The following TNR variants were observed in gnomAD, a reference collection of about 807,000 sequenced individuals.
TNR encodes tenascin R, also known as tenascin-R.
In TNR, 45 loss-of-function variants were observed where a neutral mutation model predicts 150.4. The observed-to-expected ratio is 0.30, with a 90% CI of 0.24 to 0.38. TNR has a LOEUF of 0.38. Among genes scored for constraint, TNR ranks in the 10% least tolerant of loss-of-function variants. The pLI is 1.00. For missense variants in TNR, 1,544 were observed against 1,759.1 expected, an observed-to-expected ratio of 0.88 and a Z score of 2.19; for synonymous variants, 687 against 678.4, an observed-to-expected ratio of 1.01 and a Z score of -0.20.
chr1:175,597,069 A>C (rs80021142), intron 1 of TNR, among the ~76,000 whole-genome samples: 1 of 152,236 alleles, frequency 6.6e-6, no homozygotes, highest in Admixed American at 6.5e-5. Flanking sequence ...TGTAATCATT[A>C]TAATAATGAT....
At chr1:175,622,339 A>T (rs1292092269) in intron 1 of TNR, among the ~76,000 whole-genome samples, 1 of 152,216 alleles carries the variant, frequency 6.6e-6, no homozygotes, top group Admixed American at 6.5e-5. Context: ...AGGCACCCAT[A>T]GCACTCATGC....
At position 175,685,082 on chromosome 1, in the gene TNR, A is replaced by C. The variant is rs149532322; in HGVS notation, c.-165+58144T>G. ...GACTCTTCATTCTCCTCCACTCTTC[A>C]ATACTTTCCACATTCTGGATAGCCC... On this transcript the variant is annotated intron_variant, in intron 1 of 22. Coordinates refer to ENST00000367674, the MANE Select transcript of TNR (RefSeq NM_003285.3). 1.8e-3 allele frequency among the ~76,000 whole-genome samples: 277 copies of C among 152,152 alleles called. 1 individual carries two copies. The highest frequency in any genetic ancestry group is 3.1e-3 in the Non-Finnish European group (214 of 68,000).
At chr1:175,362,370 T>C (rs1317441158) in intron 14 of TNR, among the ~76,000 whole-genome samples, 1 of 152,238 alleles carries the variant, frequency 6.6e-6, no homozygotes, top group Non-Finnish European at 1.5e-5. Context: ...TTCAGATATC[T>C]GTTTTAGAAT....
chr1:175,454,921 A>AT (rs1307338889), intron 2 of TNR, among the ~76,000 whole-genome samples: 1 of 152,162 alleles, frequency 6.6e-6, no homozygotes, highest in African/African-American at 2.4e-5. Flanking sequence ...TGGGGTCTAT[A>AT]TCCCTTCCTC....
intron 1 of TNR, among the ~76,000 whole-genome samples, chr1:175,569,320 A>T (rs988600146): frequency 1.1e-4 from 17 of 152,166 alleles, no homozygotes; most frequent in Admixed American, 9.2e-4. Context: ...CTTCAGTCTG[A>T]CCAGCAGAGG....
chr1:175,520,612 G>A (rs1441653811), intron 2 of TNR, among the ~76,000 whole-genome samples: 1 of 152,060 alleles, frequency 6.6e-6, no homozygotes, highest in African/African-American at 2.4e-5. Context: ...GGCTGCTCCA[G>A]GCCACATAGC....
At chr1:175,703,643 C>G (rs1183544366) in intron 1 of TNR, among the ~76,000 whole-genome samples, 2 of 152,042 alleles carry the variant, frequency 1.3e-5, no homozygotes, top group African/African-American at 2.4e-5. Flanking sequence ...CAATAAACCA[C>G]CCAATAGACA....
chr1:175,561,706 A>G (rs1033357350), intron 1 of TNR, among the ~76,000 whole-genome samples: 2 of 152,232 alleles, frequency 1.3e-5, no homozygotes, highest in African/African-American at 4.8e-5. Context: ...TCAAATCTAG[A>G]TTGCAAAATG....
At position 175,538,979 on chromosome 1, in the gene TNR, C is replaced by A. The variant is rs185463343; in HGVS notation, c.-164-10610G>T. The A allele has an allele frequency of 2.0e-5, 3 of 152,324 alleles. No homozygotes were observed. The East Asian group carries it at 5.8e-4, about 29-fold the overall frequency. 9.4% of individuals were successfully genotyped at this position (152,324 alleles called of 1,614,324 possible). On this transcript the variant is annotated intron_variant, in intron 1 of 22. Transcript: ENST00000367674. ...GCCATCCTCATGGGGGAAGAGAAAA[C>A]CATGCTTTCAACACTTTCACCCTCT...
chr1:175,426,931 A>G (rs1195394058), intron 2 of TNR, among the ~76,000 whole-genome samples: 1 of 88,766 alleles, frequency 1.1e-5, no homozygotes, highest in Admixed American at 1.2e-4. Context: ...ATAAATATAT[A>G]TAAAATATAT....
rs74811026 is a variant in TNR, at chr1:175,513,481, C to T, written c.-64+14788G>A. Among the ~76,000 whole-genome samples the T allele has an allele frequency of 4.2e-4, 64 of 152,344 alleles. No individual in the cohort carries two copies. The East Asian group carries it at 0.012, about 28-fold the overall frequency. On this transcript the variant is annotated intron_variant, in intron 2 of 22. Coordinates refer to ENST00000367674, the MANE Select transcript of TNR (RefSeq NM_003285.3). ...CTTCCTAGAAATCCCTCTCCACATG[C>T]TCTGTCCCTGCCTGCAGGGGGCTGC...
chr1:175,528,866 C>A (rs898444454), intron 1 of TNR, among the ~76,000 whole-genome samples: 1 of 152,184 alleles, frequency 6.6e-6, no homozygotes, highest in East Asian at 1.9e-4. Context: ...ACTCTGGACT[C>A]CCAACTCTTC....
At chr1:175,659,597 C>G (rs1218244365) in intron 1 of TNR, among the ~76,000 whole-genome samples, 1 of 152,174 alleles carries the variant, frequency 6.6e-6, no homozygotes, top group East Asian at 1.9e-4. Context: ...CAGCAAGACC[C>G]CAGGAGCCCA....
chr1:175,443,432 C>A (rs1260448553), intron 2 of TNR, among the ~76,000 whole-genome samples: 1 of 152,178 alleles, frequency 6.6e-6, no homozygotes, highest in Non-Finnish European at 1.5e-5. Context: ...GGTTATACCC[C>A]AGGCTCCCAG....
At chr1:175,436,943 C>A (rs867728104) in intron 2 of TNR, among the ~76,000 whole-genome samples, 8 of 152,176 alleles carry the variant, frequency 5.3e-5, no homozygotes, top group Non-Finnish European at 1.0e-4. Flanking sequence ...GAGACTTTAA[C>A]ACCCCATTGT....
chr1:175,724,641 G>A (rs1667429122), intron 1 of TNR, among the ~76,000 whole-genome samples: 1 of 152,074 alleles, frequency 6.6e-6, no homozygotes, highest in Non-Finnish European at 1.5e-5. Flanking sequence ...TATTGTTATT[G>A]ATTAAATTTA....
At position 175,391,392 on chromosome 1, in the gene TNR, G is replaced by A. The variant is rs755887897; in HGVS notation, c.1403C>T (p.Ser468Phe). The change falls in exon 7 of 23, where the codon TCC (serine) becomes TTC (phenylalanine). Residue 468 changes from serine (S) to phenylalanine (F), a missense_variant. Ser to Phe is a radical substitution (Grantham distance 155). Coordinates refer to ENST00000367674, the MANE Select transcript of TNR (RefSeq NM_003285.3). ...VIAQVPSDVTSFNQTGLKPGE... is the reference protein window; with the variant it reads ...VIAQVPSDVTFFNQTGLKPGE... ...AGGCTTTAGTCCTGTCTGGTTAAAG[G>A]ACGTAACATCGCTGGGGACCTGAGC... is the stretch of plus-strand genomic sequence containing the variant. 1 of 1,614,224 alleles carries A rather than the reference G, an allele frequency of 6.2e-7. No homozygotes were observed. Among genetic ancestry groups the A allele is most frequent in the Non-Finnish European group, 8.5e-7 (1 of 1,180,048 alleles).
At chr1:175,662,152 G>C in intron 1 of TNR, among the ~76,000 whole-genome samples, 1 of 152,180 alleles carries the variant, frequency 6.6e-6, no homozygotes, top group Admixed American at 6.5e-5. Context: ...GCGAATAGTA[G>C]TTGTCAGAAA....
chr1:175,678,478 C>T (rs1194856479), intron 1 of TNR, among the ~76,000 whole-genome samples: 5 of 152,350 alleles, frequency 3.3e-5, no homozygotes, highest in East Asian at 1.9e-4. Flanking sequence ...GCTGCCTTCT[C>T]GTCACCCCTC....
Sources: gnomAD v4.1 joint callset for allele counts (sites outside exome capture counted in the v4.1 genomes callset) on GRCh38, gnomAD v4.1.1 for gene constraint, MANE v1.5 for transcripts, NCBI Gene and HGNC (gene_info 2026-07-23, HGNC 2026-07-21) for gene names.